Variants in XYLT1 observed in about 807,000 individuals in gnomAD.
XYLT1 encodes the protein xylosyltransferase 1.
A neutral mutation model predicts 91.3 loss-of-function variants in XYLT1; 36 were observed. The ratio of observed to expected loss-of-function variants is 0.39; its 90% CI spans 0.30 to 0.52. The LOEUF is 0.52. XYLT1 is among the 20% of genes least tolerant of loss of function. XYLT1 has a pLI of 0.68. For synonymous variants in XYLT1, 588 were observed against 532.0 expected (o/e 1.11, Z -1.45); for missense variants, 1,242 against 1,284.5 (o/e 0.97, Z 0.51).
intron 5 of XYLT1, among the ~76,000 whole-genome samples, chr16:17,173,427 C>A (rs1053679665): frequency 2.6e-5 from 4 of 152,248 alleles, no homozygotes; most frequent in Admixed American, 2.0e-4. Context: ...TAGCTTCCCT[C>A]TATGCATTAA....
At chr16:17,426,444 G>A (rs191553628) in intron 1 of XYLT1, among the ~76,000 whole-genome samples, 1 of 152,076 alleles carries the variant, frequency 6.6e-6, no homozygotes, top group African/African-American at 2.4e-5. Flanking sequence ...TACTCAGGAG[G>A]CTGAGGCATG....
chr16:17,451,235 G>C (rs1188871606), intron 1 of XYLT1, among the ~76,000 whole-genome samples: 1 of 152,194 alleles, frequency 6.6e-6, no homozygotes, highest in Non-Finnish European at 1.5e-5. Flanking sequence ...CCAGAAAACA[G>C]TTGATGGTGG....
At chr16:17,367,169 T>C (rs569180238) in intron 1 of XYLT1, among the ~76,000 whole-genome samples, 5 of 152,282 alleles carry the variant, frequency 3.3e-5, no homozygotes, top group African/African-American at 1.2e-4. Flanking sequence ...GGGCCACCAA[T>C]GTTAGTTCCT....
At chr16:17,123,594 T>C (rs1009087282) in intron 10 of XYLT1, among the ~76,000 whole-genome samples, 1 of 152,226 alleles carries the variant, frequency 6.6e-6, no homozygotes, top group African/African-American at 2.4e-5. Flanking sequence ...TGGCCTATCA[T>C]ATGGTCTATC....
chr16:17,124,504 T>G (rs1242053179), intron 10 of XYLT1, among the ~76,000 whole-genome samples: 1 of 152,226 alleles, frequency 6.6e-6, no homozygotes, highest in Non-Finnish European at 1.5e-5. Context: ...GGGTTTTCCT[T>G]TATAGGTTAC....
chr16:17,368,121 C>A (rs752893025), intron 1 of XYLT1, among the ~76,000 whole-genome samples: 5 of 152,194 alleles, frequency 3.3e-5, no homozygotes, highest in Admixed American at 6.5e-5. Context: ...ACACACAGAA[C>A]TGCCGACACA....
Position 17,138,474 on chromosome 16 carries a change from T to A in XYLT1, c.1645A>T (p.Asn549Tyr). Residue 549 changes from asparagine to tyrosine, a missense_variant, in exon 8 of 12, where the codon AAC (asparagine) becomes TAC (tyrosine). Physicochemically the swap from Asn to Tyr is moderately radical, Grantham distance 143. Transcript: ENST00000261381. ...SPHCDTMVDN[N>Y]LRITNWNRKL... ...CGATTCCAGTTGGTGATGCGCAGGTTGTTGTCCACCATGGTGTCGCAGTGG... is the reference window on the plus strand; with the variant it reads ...CGATTCCAGTTGGTGATGCGCAGGTAGTTGTCCACCATGGTGTCGCAGTGG... 6.2e-7 allele frequency: 1 copy of A among 1,614,136 alleles called. No individual in the cohort carries two copies. The highest frequency in any genetic ancestry group is 8.5e-7 in the Non-Finnish European group (1 of 1,180,020).
At chr16:17,265,201 A>G (rs923846355) in intron 2 of XYLT1, among the ~76,000 whole-genome samples, 1 of 152,032 alleles carries the variant, frequency 6.6e-6, no homozygotes, top group Non-Finnish European at 1.5e-5. Flanking sequence ...CAAACAAACA[A>G]CACCTCACCT....
intron 3 of XYLT1, among the ~76,000 whole-genome samples, chr16:17,215,387 C>G (rs2032835914): frequency 6.6e-6 from 1 of 151,988 alleles, no homozygotes; most frequent in South Asian, 2.1e-4. Context: ...AAGGGTGGAG[C>G]CTTGAATTTA....
At chr16:17,252,151 A>T (rs1050478300) in intron 3 of XYLT1, among the ~76,000 whole-genome samples, 2 of 152,156 alleles carry the variant, frequency 1.3e-5, no homozygotes, top group Non-Finnish European at 2.9e-5. Context: ...TTGTGGTAAT[A>T]CTAACAAGCC....
At chr16:17,181,223 A>T (rs900930674) in intron 5 of XYLT1, among the ~76,000 whole-genome samples, 1 of 152,180 alleles carries the variant, frequency 6.6e-6, no homozygotes, top group Non-Finnish European at 1.5e-5. Context: ...TGGGGGCCCA[A>T]CTACAGGCAA....
At chr16:17,458,920 G>A (rs1263754059) in intron 1 of XYLT1, among the ~76,000 whole-genome samples, 1 of 152,014 alleles carries the variant, frequency 6.6e-6, no homozygotes, top group African/African-American at 2.4e-5. Flanking sequence ...CACCCAAGAA[G>A]AAGAGAGTGC....
intron 2 of XYLT1, among the ~76,000 whole-genome samples, chr16:17,348,407 C>T (rs1351171058): frequency 1.3e-5 from 2 of 152,108 alleles, no homozygotes; most frequent in East Asian, 3.9e-4. Flanking sequence ...CCAACAGGCC[C>T]TAAGGTATGG....
In XYLT1 at chr16:17,233,252, C is replaced by G. The variant is rs1331139102; in HGVS notation, c.913+25736G>C. Among the ~76,000 whole-genome samples the G allele has an allele frequency of 2.6e-5, 4 of 152,180 alleles. No homozygotes were observed. In the East Asian group the frequency reaches 7.7e-4, roughly 29 times the overall value. On this transcript the variant is annotated intron_variant, in intron 3 of 11. Transcript: ENST00000261381. ...CTCAAGGCAAACTCATGCCCAGCCT[C>G]AAAACACTCAGAAAATGGGAGGTGG...
intron 1 of XYLT1, among the ~76,000 whole-genome samples, chr16:17,457,665 A>G (rs1232756523): frequency 6.6e-6 from 1 of 152,258 alleles, no homozygotes; most frequent in East Asian, 1.9e-4. Context: ...AGAGCATTTT[A>G]CATCCACAAC....
intron 2 of XYLT1, among the ~76,000 whole-genome samples, chr16:17,295,808 C>G (rs1209888331): frequency 6.6e-6 from 1 of 152,282 alleles, no homozygotes; most frequent in African/African-American, 2.4e-5. Context: ...CTGTAATGCA[C>G]AGGACGACCC....
intron 2 of XYLT1, among the ~76,000 whole-genome samples, chr16:17,272,374 G>T (rs1347718639): frequency 6.6e-6 from 1 of 151,922 alleles, no homozygotes; most frequent in Non-Finnish European, 1.5e-5. Flanking sequence ...ATGTTGGCCA[G>T]GCTGGTCTCG....
intron 1 of XYLT1, among the ~76,000 whole-genome samples, chr16:17,406,455 G>A (rs2036034081): frequency 6.6e-6 from 1 of 152,230 alleles, no homozygotes; most frequent in African/African-American, 2.4e-5. Context: ...CACCATCTGG[G>A]ATCCAGTAAG....
intron 3 of XYLT1, chr16:17,250,583 A>T (rs1213780801): frequency 6.6e-6 from 1 of 152,298 alleles, no homozygotes; most frequent in Admixed American, 6.5e-5. Context: ...CCTGGAGCAC[A>T]GCCTTGAATG....
Sources: gnomAD v4.1 joint callset for allele counts (sites outside exome capture counted in the v4.1 genomes callset) on GRCh38, gnomAD v4.1.1 for gene constraint, MANE v1.5 for transcripts, NCBI Gene and HGNC (gene_info 2026-07-23, HGNC 2026-07-21) for gene names.